The following DLGAP2 variants were observed in gnomAD, a reference collection of about 807,000 sequenced individuals.
DLGAP2 encodes DLG associated protein 2, also known as disks large-associated protein 2.
In DLGAP2, 26 loss-of-function variants were observed where a neutral mutation model predicts 100.3. That is an observed-to-expected ratio of 0.26 (90% CI 0.19 to 0.36). The LOEUF is 0.36. Ranked by LOEUF, DLGAP2 falls within the 10% of genes least tolerant of loss-of-function variation. The pLI, the probability that DLGAP2 is intolerant of heterozygous loss-of-function variation, is 1.00. For synonymous variants in DLGAP2, 886 were observed against 630.1 expected, an observed-to-expected ratio of 1.41 and a Z score of -6.08; for missense variants, 1,858 against 1,453.2, an observed-to-expected ratio of 1.28 and a Z score of -4.53.
chr8:1,284,541 G>A (rs945534993), intron 3 of DLGAP2, among the ~76,000 whole-genome samples: 1 of 152,176 alleles, frequency 6.6e-6, no homozygotes, highest in Non-Finnish European at 1.5e-5. Context: ...ACCGCTTTCA[G>A]TGTTGCCTGT....
intron 2 of DLGAP2, among the ~76,000 whole-genome samples, chr8:935,402 T>TGG (rs1799048479): frequency 6.6e-6 from 1 of 152,206 alleles, no homozygotes; most frequent in African/African-American, 2.4e-5. Context: ...TTTGAAGACT[T>TGG]GGTATGAAAA....
chr8:886,157 G>C (rs1452618538), intron 1 of DLGAP2, among the ~76,000 whole-genome samples: 1 of 152,092 alleles, frequency 6.6e-6, no homozygotes, highest in Admixed American at 6.5e-5. Context: ...AATCTATCCA[G>C]TTATTTTAGA....
At chr8:1,651,173 C>T (rs1798154097) in intron 8 of DLGAP2, among the ~76,000 whole-genome samples, 2 of 152,236 alleles carry the variant, frequency 1.3e-5, no homozygotes, top group African/African-American at 4.8e-5. Flanking sequence ...CACCGTATTT[C>T]TTCCTCCCCA....
chr8:1,276,115 A>T (rs1391044524), intron 3 of DLGAP2, among the ~76,000 whole-genome samples: 2 of 144,764 alleles, frequency 1.4e-5, no homozygotes, highest in Non-Finnish European at 3.0e-5. Flanking sequence ...ATATATATAT[A>T]ATATATATAA....
intron 3 of DLGAP2, among the ~76,000 whole-genome samples, chr8:1,349,656 AG>A (rs1250002308): frequency 3.3e-5 from 2 of 61,000 alleles, no homozygotes; most frequent in Non-Finnish European, 7.8e-5. Flanking sequence ...ACAGGTAGGA[AG>A]GGGTGTTTGA....
intron 1 of DLGAP2, among the ~76,000 whole-genome samples, chr8:749,016 T>C (rs979937708): frequency 2.6e-5 from 4 of 152,326 alleles, no homozygotes; most frequent in Non-Finnish European, 5.9e-5. Flanking sequence ...TTTTTCTGTA[T>C]GTGAGAGGGG....
At chr8:874,928 G>A (rs773659546) in intron 1 of DLGAP2, among the ~76,000 whole-genome samples, 2 of 152,114 alleles carry the variant, frequency 1.3e-5, no homozygotes, top group Non-Finnish European at 2.9e-5. Context: ...GTCTACATAT[G>A]CATACACACA....
intron 3 of DLGAP2, among the ~76,000 whole-genome samples, chr8:1,319,569 A>G (rs931222722): frequency 6.6e-6 from 1 of 152,138 alleles, no homozygotes; most frequent in Non-Finnish European, 1.5e-5. Flanking sequence ...GATTTCAAGG[A>G]GCTTGTATTC....
At chr8:1,607,265 G>T (rs899354338) in intron 6 of DLGAP2, among the ~76,000 whole-genome samples, 2 of 151,986 alleles carry the variant, frequency 1.3e-5, no homozygotes, top group Non-Finnish European at 2.9e-5. Context: ...GATTTACAGA[G>T]ACACAGTTTT....
intron 3 of DLGAP2, among the ~76,000 whole-genome samples, chr8:1,318,126 C>G (rs1333091414): frequency 2.0e-5 from 2 of 102,352 alleles, no homozygotes; most frequent in East Asian, 2.5e-4. Context: ...GGTCTACACT[C>G]GAGACACTCG....
At chr8:909,904 C>A (rs984420614) in intron 2 of DLGAP2, among the ~76,000 whole-genome samples, 2 of 152,230 alleles carry the variant, frequency 1.3e-5, no homozygotes, top group African/African-American at 4.8e-5. Context: ...CAGACCTCAA[C>A]ACAGCGGAGG....
At chr8:1,219,335 G>C (rs141770885) in intron 2 of DLGAP2, among the ~76,000 whole-genome samples, 297 of 152,234 alleles carry the variant, frequency 2.0e-3, no homozygotes, top group African/African-American at 5.9e-3. Context: ...AAAGGATGTT[G>C]AATTCTATCG....
chr8:1,444,260 C>T (rs947314439), intron 3 of DLGAP2, among the ~76,000 whole-genome samples: 10 of 152,160 alleles, frequency 6.6e-5, no homozygotes, highest in South Asian at 6.2e-4. Context: ...TCAATATCAT[C>T]GTCTTCAATA....
intron 5 of DLGAP2, among the ~76,000 whole-genome samples, chr8:1,551,959 A>T (rs1189333849): frequency 6.6e-6 from 1 of 152,158 alleles, no homozygotes; most frequent in African/African-American, 2.4e-5. Flanking sequence ...CATCTCGTTC[A>T]GCCCGAGGTT....
chr8:841,877 G>T (rs1271890196), intron 1 of DLGAP2, among the ~76,000 whole-genome samples: 15 of 152,148 alleles, frequency 9.9e-5, no homozygotes. Flanking sequence ...TCCATGCTAG[G>T]TATCCTGATT....
chr8:786,142 C>T lies in DLGAP2; in HGVS notation c.18+48317C>T, dbSNP rs556518965. On this transcript the variant is annotated intron_variant, in intron 1 of 14. Transcript: ENST00000637795. ...TGAGCTTAGCTCAGCTGGGCCGGCG[C>T]AGGGGCAGGAAAAGCCCGTCCTGGC... 3.3e-5 allele frequency among the ~76,000 whole-genome samples: 5 copies of T among 152,324 alleles called. No individual in the cohort carries two copies. The South Asian group carries it at 8.3e-4, about 25-fold the overall frequency.
intron 6 of DLGAP2, among the ~76,000 whole-genome samples, chr8:1,571,417 A>AG (rs1320862451): frequency 8.7e-5 from 6 of 68,998 alleles, no homozygotes; most frequent in African/African-American, 2.9e-4. Context: ...GAGAGGAGAG[A>AG]GGGTGAATTG....
intron 1 of DLGAP2, among the ~76,000 whole-genome samples, chr8:809,752 A>G (rs1207308331): frequency 2.6e-5 from 4 of 152,062 alleles, no homozygotes; most frequent in East Asian, 1.9e-4. Context: ...CCTTGGAGAG[A>G]GAGCGTGACC....
At chr8:1,624,874 T>C (rs1797452406) in intron 6 of DLGAP2, among the ~76,000 whole-genome samples, 1 of 151,944 alleles carries the variant, frequency 6.6e-6, no homozygotes, top group Admixed American at 6.6e-5. Flanking sequence ...TCTCTGTCTC[T>C]CTCTCTCTCT....
Sources: gnomAD v4.1 joint callset for allele counts (sites outside exome capture counted in the v4.1 genomes callset) on GRCh38, gnomAD v4.1.1 for gene constraint, MANE v1.5 for transcripts, NCBI Gene and HGNC (gene_info 2026-07-23, HGNC 2026-07-21) for gene names.